Variants in NUP93 observed in about 807,000 individuals in gnomAD.
NUP93 encodes nucleoporin 93.
NUP93 carries 55 observed loss-of-function variants against 107.8 expected under a neutral mutation model. The ratio of observed to expected loss-of-function variants is 0.51; its 90% CI spans 0.41 to 0.64. The LOEUF is 0.64. Among genes scored for constraint, NUP93 ranks in the 30% least tolerant of loss-of-function variants. The pLI is 0.00. For missense variants in NUP93, 937 were observed against 1,044.7 expected (o/e 0.90, Z 1.42); for synonymous variants, 390 against 397.5 (o/e 0.98, Z 0.22).
At chr16:56,804,288 C>G (rs1238393351) in intron 4 of NUP93, among the ~76,000 whole-genome samples, 1 of 152,082 alleles carries the variant, frequency 6.6e-6, no homozygotes, top group African/African-American at 2.4e-5. Context: ...TCACAAAAGC[C>G]AAGAAGTGGA....
chr16:56,774,238 T>C (rs1397521830), intron 3 of NUP93, among the ~76,000 whole-genome samples: 1 of 152,208 alleles, frequency 6.6e-6, no homozygotes, highest in African/African-American at 2.4e-5. Flanking sequence ...ATGGATGGAC[T>C]ATGCCAAAAG....
chr16:56,762,612 C>T (rs1260302570), intron 3 of NUP93, among the ~76,000 whole-genome samples: 1 of 152,110 alleles, frequency 6.6e-6, no homozygotes, highest in Non-Finnish European at 1.5e-5. Flanking sequence ...TAGACCATTG[C>T]AGAGCAATAA....
chr16:56,845,693 G>A lies in NUP93; in HGVS notation c.*1084G>A, dbSNP rs1964108584. 2.0e-5 allele frequency: 3 copies of A among 152,116 alleles called. No homozygotes were observed. The highest frequency in any genetic ancestry group is 4.8e-5 in the African/African-American group (2 of 41,420). The allele number at this position is 152,116 out of a possible 1,614,324, so 9.4% of individuals were successfully genotyped here. A position where few individuals can be genotyped will look rare whatever the true frequency, so the allele number is the denominator to read the frequency against. ...GGTCTGCTCTGCTGGTTTGATGGAC[G>A]GCTCCCTGAGGTAGACTCTTTCCCA... On this transcript the variant is annotated 3_prime_UTR_variant, in exon 22 of 22. Transcript: ENST00000308159.
chr16:56,742,681 G>A (rs998441650), intron 1 of NUP93, among the ~76,000 whole-genome samples: 16 of 152,198 alleles, frequency 1.1e-4, no homozygotes, highest in Non-Finnish European at 2.2e-4. Flanking sequence ...GATATGTCTA[G>A]GATGGATGGC....
intron 1 of NUP93, among the ~76,000 whole-genome samples, chr16:56,732,201 T>A (rs952389271): frequency 2.0e-5 from 3 of 152,240 alleles, no homozygotes; most frequent in Non-Finnish European, 4.4e-5. Context: ...ATTTCACGTA[T>A]TTTTCTTGTG....
chr16:56,821,024 T>C (rs1468966847), intron 6 of NUP93, among the ~76,000 whole-genome samples: 1 of 152,226 alleles, frequency 6.6e-6, no homozygotes, highest in Non-Finnish European at 1.5e-5. Context: ...AGAGATTCTT[T>C]CCAGGAGAAA....
At chr16:56,837,448 A>C (rs1963934692) in intron 17 of NUP93, among the ~76,000 whole-genome samples, 160 bp from the exon 18 acceptor site, 1 of 152,232 alleles carries the variant, frequency 6.6e-6, no homozygotes, top group Non-Finnish European at 1.5e-5. Context: ...CTGTAATCCC[A>C]GCTGCTCAGG....
chr16:56,820,650 T>C (rs1323798768), intron 6 of NUP93, among the ~76,000 whole-genome samples: 1 of 152,212 alleles, frequency 6.6e-6, no homozygotes, highest in African/African-American at 2.4e-5. Flanking sequence ...CCCTGGAAGA[T>C]GAATGATACT....
chr16:56,744,285 G>A (rs1483682169), intron 1 of NUP93, among the ~76,000 whole-genome samples: 1 of 152,064 alleles, frequency 6.6e-6, no homozygotes, highest in East Asian at 1.9e-4. Context: ...TTCATGATTA[G>A]TTTTTAGTCT....
intron 1 of NUP93, among the ~76,000 whole-genome samples, chr16:56,739,293 C>T (rs1179778459): frequency 1.3e-4 from 11 of 84,318 alleles, no homozygotes; most frequent in Non-Finnish European, 2.2e-4. Flanking sequence ...TAGGGGCGGC[C>T]GGGCAGAGGC....
intron 3 of NUP93, among the ~76,000 whole-genome samples, chr16:56,790,528 G>A (rs1188041532): frequency 6.6e-6 from 1 of 152,156 alleles, no homozygotes; most frequent in East Asian, 1.9e-4. Context: ...TTTCTGTTGT[G>A]CTCATCTGAA....
intron 7 of NUP93, among the ~76,000 whole-genome samples, 191 bp downstream of exon 7, chr16:56,821,784 C>G (rs1465659564): frequency 1.3e-5 from 2 of 151,788 alleles, no homozygotes; most frequent in Admixed American, 1.3e-4. Flanking sequence ...AATGCATCTT[C>G]AAAAGGCCCT....
Position 56,732,240 on chromosome 16 carries a change from A to G in NUP93, c.-15+2029A>G, listed in dbSNP as rs150955142. Reference sequence around the variant, plus strand: ...TGTTGTCTTCCCCCTGTAGAATGTGAGTGAGGGGATTTTTATCTGTTTTGT... The same window carrying G: ...TGTTGTCTTCCCCCTGTAGAATGTGGGTGAGGGGATTTTTATCTGTTTTGT... On this transcript the variant is annotated intron_variant, in intron 1 of 21. Transcript: ENST00000308159. 2.0e-3 allele frequency among the ~76,000 whole-genome samples: 304 copies of G among 152,134 alleles called. 1 individual carries two copies. Among genetic ancestry groups the G allele is most frequent in the African/African-American group, 6.9e-3 (287 of 41,492 alleles).
In NUP93 at chr16:56,834,216, G is replaced by A. The variant is rs771099984; in HGVS notation, c.1626G>A (p.Thr542=). The A allele has an allele frequency of 1.2e-5, 19 of 1,614,004 alleles. No homozygotes were observed. Among genetic ancestry groups the A allele is most frequent in the African/African-American group, 4.0e-5 (3 of 74,892 alleles). Residue 542 remains threonine (T), a synonymous_variant, in exon 14 of 22, where the codon ACG becomes ACA. Transcript: ENST00000308159. ...LMLYTRKFES[T]DPREALQYFY... ...TGTACACCCGGAAGTTTGAGTCCAC[G>A]GACCCAAGGGAGGCCCTCCAGTACT...
intron 3 of NUP93, among the ~76,000 whole-genome samples, chr16:56,772,147 A>G (rs1408583265): frequency 6.6e-6 from 1 of 152,098 alleles, no homozygotes; most frequent in Non-Finnish European, 1.5e-5. Flanking sequence ...AGGAGCTGCC[A>G]TTGCTAATGG....
At chr16:56,833,466 CGGT>C in intron 13 of NUP93, 60 bp downstream of exon 13, 2 of 1,371,324 alleles carry the variant, frequency 1.5e-6, no homozygotes, top group Non-Finnish European at 1.9e-6. Flanking sequence ...CTTGGGGCGA[CGGT>C]GGCCACAAAA....
intron 3 of NUP93, among the ~76,000 whole-genome samples, chr16:56,769,235 T>G (rs1484223267): frequency 6.6e-6 from 1 of 152,180 alleles, no homozygotes; most frequent in East Asian, 1.9e-4. Flanking sequence ...AAAATAGAAG[T>G]ATAATTGATC....
intron 3 of NUP93, among the ~76,000 whole-genome samples, chr16:56,776,994 T>C (rs1338810281): frequency 6.6e-5 from 10 of 152,192 alleles, no homozygotes; most frequent in Admixed American, 3.9e-4. Context: ...ATACCAAGGC[T>C]TAATAGATGC....
chr16:56,806,832 GGA>G (rs1963151807), intron 5 of NUP93, among the ~76,000 whole-genome samples: 1 of 152,130 alleles, frequency 6.6e-6, no homozygotes, highest in South Asian at 2.1e-4. Flanking sequence ...CCAGGGGAGA[GGA>G]TTATACAAGG....
Sources: allele counts gnomAD v4.1 joint callset (sites outside exome capture counted in the v4.1 genomes callset), GRCh38; gene constraint gnomAD v4.1.1; transcripts MANE v1.5; gene names NCBI Gene and HGNC (gene_info 2026-07-23, HGNC 2026-07-21).